Variants in MCPH1 observed in about 807,000 individuals in gnomAD.
The protein encoded by MCPH1 is microcephalin 1, also known as microcephalin.
In MCPH1, 104 loss-of-function variants were observed where a neutral mutation model predicts 84.5. The observed-to-expected ratio is 1.23, with a 90% CI of 1.05 to 1.45. The LOEUF (loss-of-function observed/expected upper bound fraction) is 1.45, where lower values mean the gene tolerates loss of function less well. MCPH1 is among the 40% of genes most tolerant of loss of function. MCPH1 has a pLI of 0.00. For synonymous variants in MCPH1, 514 were observed against 366.8 expected, an observed-to-expected ratio of 1.40 and a Z score of -4.58; for missense variants, 1,498 against 1,005.7, an observed-to-expected ratio of 1.49 and a Z score of -6.62.
At chr8:6,633,739 G>A (rs558992222) in intron 13 of MCPH1, among the ~76,000 whole-genome samples, 21 of 152,242 alleles carry the variant, frequency 1.4e-4, no homozygotes, top group African/African-American at 4.3e-4. Context: ...CGCACCCAAC[G>A]CAGATTCCCC....
intron 11 of MCPH1, among the ~76,000 whole-genome samples, chr8:6,490,358 C>T (rs1810422089): frequency 6.6e-6 from 1 of 152,178 alleles, no homozygotes; most frequent in Admixed American, 6.5e-5. Flanking sequence ...AGCTGTCCAT[C>T]ATTTAGATGT....
At chr8:6,541,680 A>C (rs920788220) in intron 12 of MCPH1, among the ~76,000 whole-genome samples, 3 of 152,338 alleles carry the variant, frequency 2.0e-5, no homozygotes, top group Middle Eastern at 3.4e-3. Context: ...AGATAGAAGA[A>C]AATATAAAAC....
intron 12 of MCPH1, chr8:6,562,860 G>T (rs368780054): frequency 6.2e-7 from 1 of 1,613,046 alleles, no homozygotes; most frequent in African/African-American, 1.3e-5. Context: ...TGCTGTCCAT[G>T]CTCTTCCGAA....
chr8:6,434,903 G>A (rs1250677474), intron 4 of MCPH1, among the ~76,000 whole-genome samples: 1 of 152,194 alleles, frequency 6.6e-6, no homozygotes, highest in East Asian at 1.9e-4. Flanking sequence ...TCGATGTGAA[G>A]TTCAGTATGT....
At chr8:6,455,396 G>C in intron 9 of MCPH1, 144 bp downstream of exon 9, 1 of 677,986 alleles carries the variant, frequency 1.5e-6, no homozygotes, top group South Asian at 1.7e-5. Flanking sequence ...GGAAAACTCA[G>C]AATATGAAAC....
At chr8:6,504,173 C>A (rs1812769016) in intron 12 of MCPH1, among the ~76,000 whole-genome samples, 1 of 151,908 alleles carries the variant, frequency 6.6e-6, no homozygotes, top group Non-Finnish European at 1.5e-5. Flanking sequence ...AAAAAATTAG[C>A]CGGGCGTGGT....
At chr8:6,510,733 ATGTT>A (rs1371316385) in intron 12 of MCPH1, among the ~76,000 whole-genome samples, 2 of 152,148 alleles carry the variant, frequency 1.3e-5, no homozygotes, top group African/African-American at 4.8e-5. Context: ...CTAAACAGAG[ATGTT>A]TGTTTGTTGA....
chr8:6,473,745 A>ATGAG, intron 9 of MCPH1: 1 of 597,752 alleles, frequency 1.7e-6, no homozygotes, highest in Non-Finnish European at 2.7e-6. Context: ...GTCCTGCAAC[A>ATGAG]TGAGTTTAAT....
chr8:6,632,284 G>A (rs766932192), intron 13 of MCPH1, among the ~76,000 whole-genome samples: 109 of 152,298 alleles, frequency 7.2e-4, no homozygotes, highest in Middle Eastern at 3.4e-3. Flanking sequence ...ACAGCATTGC[G>A]AATGTACTTC....
At position 6,623,015 on chromosome 8, in the gene MCPH1, T is replaced by TTC. The variant is rs201006735; in HGVS notation, c.2452+1325_2452+1326insCT. On this transcript the variant is annotated intron_variant, in intron 13 of 13. Coordinates refer to ENST00000344683, the MANE Select transcript of MCPH1 (RefSeq NM_024596.5). ...ACCACGATGCCCAGCTTTACTTTCT[T>TTC]TTTTTTTTTTTTTTTTTTGTAGAGA... Among the ~76,000 whole-genome samples, 147 of 122,576 alleles carry TTC rather than the reference T, an allele frequency of 1.2e-3. 1 individual carries two copies. Among genetic ancestry groups the TTC allele is most frequent in the Non-Finnish European group, 1.6e-3 (94 of 59,696 alleles). 80.4% of individuals were successfully genotyped at this position (122,576 alleles called of 152,430 possible).
chr8:6,588,470 C>G (rs1158023593), intron 12 of MCPH1, among the ~76,000 whole-genome samples: 1 of 152,050 alleles, frequency 6.6e-6, no homozygotes, highest in Non-Finnish European at 1.5e-5. Flanking sequence ...TAGGCTGAGC[C>G]CCTTCACCTC....
intron 11 of MCPH1, among the ~76,000 whole-genome samples, chr8:6,486,653 T>G (rs1011295234): frequency 2.6e-5 from 4 of 152,210 alleles, no homozygotes; most frequent in African/African-American, 9.7e-5. Context: ...AGCGCTACTG[T>G]TTTCAGGAAA....
chr8:6,493,079 T>C (rs985694779), intron 11 of MCPH1, among the ~76,000 whole-genome samples: 2 of 152,230 alleles, frequency 1.3e-5, no homozygotes, highest in Non-Finnish European at 2.9e-5. Flanking sequence ...CTGTTTATTT[T>C]AGTTGCATTG....
rs1017035724 is a variant in MCPH1 at position 6,410,207 on chromosome 8, C to G, written c.114+837C>G. 7.2e-5 allele frequency among the ~76,000 whole-genome samples: 11 copies of G among 151,866 alleles called. No individual in the cohort carries two copies. The East Asian group carries it at 1.2e-3, about 16-fold the overall frequency. On this transcript the variant is annotated intron_variant, in intron 2 of 13. Transcript: ENST00000344683. The stretch of plus-strand genomic sequence containing the variant: ...GCCAGGATGGTCTCAATCTCCTGAT[C>G]TCGTGATCCGCCCACCTCGGCCTCC...
At chr8:6,521,168 G>C (rs779572963) in intron 12 of MCPH1, 1 of 1,605,990 alleles carries the variant, frequency 6.2e-7, no homozygotes, top group Non-Finnish European at 8.5e-7. Context: ...AGCATGATAT[G>C]TAAACTTACA....
intron 12 of MCPH1, chr8:6,620,280 T>C (rs1017364347): frequency 2.6e-5 from 4 of 152,144 alleles, no homozygotes; most frequent in Admixed American, 1.3e-4. Context: ...CATATATAAG[T>C]GTATCGGATC....
chr8:6,511,176 G>A (rs1365970835), intron 12 of MCPH1, among the ~76,000 whole-genome samples: 1 of 152,130 alleles, frequency 6.6e-6, no homozygotes, highest in Non-Finnish European at 1.5e-5. Context: ...TGTTAGAAAG[G>A]TTTTGTGTAA....
At chr8:6,542,598 T>A (rs775436150) in intron 12 of MCPH1, among the ~76,000 whole-genome samples, 50 of 99,536 alleles carry the variant, frequency 5.0e-4, no homozygotes, top group South Asian at 1.3e-3. Context: ...TATTCTTATC[T>A]TAAAAAAAAA....
Position 6,414,861 on chromosome 8 carries a change from G to C in MCPH1, c.211G>C (p.Val71Leu). 6.2e-7 allele frequency: 1 copy of C among 1,613,612 alleles called. No individual in the cohort carries two copies. Among genetic ancestry groups the C allele is most frequent in the South Asian group, 1.1e-5 (1 of 91,046 alleles). The change falls in exon 3 of 14, where the codon GTT becomes CTT. Residue 71 changes from valine to leucine, a missense_variant. Val to Leu is a conservative substitution (Grantham distance 32). Transcript: ENST00000344683. ...DKAQKRGVKL[V>L]SVLWVEKCRT... ...AGCTCAGAAGAGAGGCGTAAAGCTCGTTTCGGTGCTCTGGGTGGAAAAGTA... is the reference window on the plus strand; with the variant it reads ...AGCTCAGAAGAGAGGCGTAAAGCTCCTTTCGGTGCTCTGGGTGGAAAAGTA...
Sources: gnomAD v4.1 joint callset for allele counts (sites outside exome capture counted in the v4.1 genomes callset) on GRCh38, gnomAD v4.1.1 for gene constraint, MANE v1.5 for transcripts, NCBI Gene and HGNC (gene_info 2026-07-23, HGNC 2026-07-21) for gene names.